The following ANAPC4 variants were observed in gnomAD, a reference collection of about 807,000 sequenced individuals.
The protein encoded by ANAPC4 is anaphase-promoting complex subunit 4.
A neutral mutation model predicts 119.8 loss-of-function variants in ANAPC4; 63 were observed. The ratio of observed to expected loss-of-function variants is 0.53; its 90% CI spans 0.43 to 0.65. The LOEUF (loss-of-function observed/expected upper bound fraction) is 0.65. ANAPC4 is among the 30% of genes least tolerant of loss of function. ANAPC4 has a pLI of 0.00. For missense variants in ANAPC4, 716 were observed against 945.1 expected (o/e 0.76, Z 3.18); for synonymous variants, 283 against 318.6 (o/e 0.89, Z 1.19).
intron 21 of ANAPC4, among the ~76,000 whole-genome samples, chr4:25,410,872 T>C (rs1200164731): frequency 6.6e-6 from 1 of 152,160 alleles, no homozygotes; most frequent in African/African-American, 2.4e-5. Flanking sequence ...CCCCAAGATA[T>C]CTCATTATGT....
At position 25,396,669 on chromosome 4, in the gene ANAPC4, C is replaced by A; in HGVS notation, c.1067C>A (p.Ser356Ter). 1 of 1,604,494 alleles carries A rather than the reference C, an allele frequency of 6.2e-7. No individual in the cohort carries two copies. Among genetic ancestry groups the A allele is most frequent in the Non-Finnish European group, 8.5e-7 (1 of 1,175,954 alleles). ...KLVISHLQSG[S>*]ESLLYHLSEL... ...TTTCTGCTCTGTTTGGATAGTGGCT[C>A]GGAGTCTTTATTATACCATTTGAGT... The change falls in exon 15 of 29, where the codon TCG (serine) becomes TAG (stop). Residue 356 changes from serine to a stop codon, truncating the protein, a stop_gained. Coordinates refer to ENST00000315368, the MANE Select transcript of ANAPC4 (RefSeq NM_013367.3). LOFTEE classifies it high-confidence loss of function.
chr4:25,380,779 G>A (rs546964764), intron 3 of ANAPC4, among the ~76,000 whole-genome samples: 10 of 152,310 alleles, frequency 6.6e-5, no homozygotes, highest in African/African-American at 2.2e-4. Flanking sequence ...CTGTCATCTT[G>A]TCCTGTATTA....
intron 10 of ANAPC4, 118 bp from the exon 11 acceptor site, chr4:25,393,687 A>C (rs1216500818): frequency 1.8e-6 from 1 of 557,914 alleles, no homozygotes; most frequent in Non-Finnish European, 3.1e-6. Context: ...AAAATAAAAC[A>C]GTGATTGAAA....
intron 16 of ANAPC4, among the ~76,000 whole-genome samples, chr4:25,398,907 C>T (rs1560439538): frequency 6.6e-6 from 1 of 150,908 alleles, no homozygotes; most frequent in Non-Finnish European, 1.5e-5. Context: ...AAAGGGGGAA[C>T]AAATGTGAGG....
chr4:25,382,465 C>G (rs34749234), intron 3 of ANAPC4, among the ~76,000 whole-genome samples: 5 of 152,110 alleles, frequency 3.3e-5, no homozygotes, highest in Non-Finnish European at 7.4e-5. Flanking sequence ...AGATCTTGCA[C>G]TAAATCATTC....
At chr4:25,390,658 CTG>C (rs1722299749) in intron 8 of ANAPC4, among the ~76,000 whole-genome samples, 1 of 152,160 alleles carries the variant, frequency 6.6e-6, no homozygotes, top group Non-Finnish European at 1.5e-5. Context: ...ATTGTAGGCT[CTG>C]TGGAATATGT....
chr4:25,393,934 A>G, intron 11 of ANAPC4, 43 bp downstream of exon 11: 1 of 1,451,480 alleles, frequency 6.9e-7, no homozygotes, highest in Non-Finnish European at 9.5e-7. Flanking sequence ...TAAAGAATGC[A>G]TGATGTATGT....
intron 20 of ANAPC4, 116 bp downstream of exon 20, chr4:25,407,369 A>T: frequency 1.5e-6 from 1 of 676,674 alleles, no homozygotes; most frequent in East Asian, 3.1e-5. Context: ...TAGTAAAATT[A>T]ACAAAGAGCA....
At chr4:25,415,011 TAAA>T (rs1723781500) in intron 25 of ANAPC4, 1 of 183,822 alleles carries the variant, frequency 5.4e-6, no homozygotes, top group Non-Finnish European at 1.1e-5. Flanking sequence ...AACTAAAAGT[TAAA>T]GAAGTTTTAA....
At position 25,407,242 on chromosome 4, in the gene ANAPC4, A is replaced by C; in HGVS notation, c.1420A>C (p.Arg474=). Residue 474 remains arginine (R), a synonymous_variant, in exon 20 of 29, where the codon AGA becomes CGA. Coordinates refer to ENST00000315368, the MANE Select transcript of ANAPC4 (RefSeq NM_013367.3). ...AAAAGGAAAATACTTTAACGTTGAAAGAGTTGGTCAGGTATGGGCTTTGAA... is the reference window on the plus strand; with the variant it reads ...AAAAGGAAAATACTTTAACGTTGAACGAGTTGGTCAGGTATGGGCTTTGAA... ...NRKGKYFNVE[R]VGQYLKDEDD... The C allele has an allele frequency of 1.2e-6, 2 of 1,608,546 alleles. No homozygotes were observed. The highest frequency in any genetic ancestry group is 1.7e-6 in the Non-Finnish European group (2 of 1,178,234).
At chr4:25,385,317 A>G (rs1052543913) in intron 4 of ANAPC4, among the ~76,000 whole-genome samples, 1 of 152,210 alleles carries the variant, frequency 6.6e-6, no homozygotes, top group Admixed American at 6.5e-5. Context: ...ATATGTTTTA[A>G]TAAATAAATA....
chr4:25,383,431 G>A (rs1721857800), intron 4 of ANAPC4, 38 bp downstream of exon 4: 2 of 1,500,716 alleles, frequency 1.3e-6, no homozygotes, highest in Non-Finnish European at 8.9e-7. Context: ...GGGTATTCAT[G>A]AGATTTTTAT....
chr4:25,380,261 C>A, intron 2 of ANAPC4, 113 bp from the exon 3 acceptor site: 1 of 596,240 alleles, frequency 1.7e-6, no homozygotes, highest in Non-Finnish European at 2.9e-6. Flanking sequence ...CTTCTGATAG[C>A]TAAGTATATA....
intron 4 of ANAPC4, 22 bp from the exon 5 acceptor site, chr4:25,388,478 G>C: frequency 6.8e-7 from 1 of 1,476,068 alleles, no homozygotes; most frequent in East Asian, 2.3e-5. Context: ...TTTTTATAAT[G>C]CTTTTATTTT....
chr4:25,404,992 T>C (rs994326819), intron 17 of ANAPC4, among the ~76,000 whole-genome samples: 3 of 151,922 alleles, frequency 2.0e-5, no homozygotes, highest in South Asian at 4.2e-4. Flanking sequence ...TTAAGAACCA[T>C]GTTCAAATAC....
Position 25,405,773 on chromosome 4 carries a change from T to C in ANAPC4, c.1317+154T>C, listed in dbSNP as rs1184454662. Among the ~76,000 whole-genome samples the C allele has an allele frequency of 2.6e-5, 4 of 152,188 alleles. No homozygotes were observed. The highest frequency in any genetic ancestry group is 5.9e-5 in the Non-Finnish European group (4 of 68,030). ...AAGCACCACCTTTTTAAAAAAGAAA[T>C]TTGCATGTTTTGTGTATTGTTTCAT... On this transcript the variant is annotated intron_variant, in intron 18 of 28. Transcript: ENST00000315368. The surrounding 1 kb of genome is among the most constrained non-coding windows in gnomAD (Gnocchi z 4.6).
chr4:25,398,321 G>C (rs925992567), intron 16 of ANAPC4, among the ~76,000 whole-genome samples: 2 of 152,182 alleles, frequency 1.3e-5, no homozygotes, highest in Non-Finnish European at 2.9e-5. Flanking sequence ...GGCATGATAA[G>C]GTAGGGGATT....
intron 26 of ANAPC4, chr4:25,415,802 TG>T (rs1560450285): frequency 9.2e-6 from 3 of 327,654 alleles, no homozygotes; most frequent in African/African-American, 6.4e-5. Flanking sequence ...AAGAAAGTAA[TG>T]TGGTTCCCAT....
chr4:25,412,759 G>GA (rs11376093), intron 21 of ANAPC4, among the ~76,000 whole-genome samples: 52,693 of 147,480 alleles, frequency 0.36, 10,564 homozygotes, highest in African/African-American at 0.57. Context: ...TTTAAAAAAA[G>GA]AAAAAAAAAA....
Sources: allele counts gnomAD v4.1 joint callset (sites outside exome capture counted in the v4.1 genomes callset), GRCh38; gene constraint gnomAD v4.1.1; non-coding constraint Gnocchi (gnomAD v3.1); transcripts MANE v1.5; gene names NCBI Gene and HGNC (gene_info 2026-07-23, HGNC 2026-07-21).